The following CADPS2 variants were observed in gnomAD, a reference collection of about 807,000 sequenced individuals.
CADPS2 encodes calcium dependent secretion activator 2.
Under a neutral mutation model 172.5 loss-of-function variants are expected in CADPS2, and 93 were observed. That is an observed-to-expected ratio of 0.54 (90% CI 0.46 to 0.64). The LOEUF is 0.64. CADPS2 is among the 30% of genes least tolerant of loss of function. CADPS2 has a pLI of 0.00. For synonymous variants in CADPS2, 546 were observed against 555.2 expected (o/e 0.98, Z 0.23); for missense variants, 1,420 against 1,565.9 (o/e 0.91, Z 1.57).
chr7:122,360,341 G>GTTAAAATAAGTAACTACTGAT (rs2151127721), intron 27 of CADPS2, among the ~76,000 whole-genome samples: 1 of 152,222 alleles, frequency 6.6e-6, no homozygotes, highest in East Asian at 1.9e-4. Context: ...AACAACAAAT[G>GTTAAAATAAGTAACTACTGAT]TTAAAATAAG....
chr7:122,719,489 G>C (rs1490066923), intron 2 of CADPS2, among the ~76,000 whole-genome samples: 2 of 151,584 alleles, frequency 1.3e-5, no homozygotes, highest in Non-Finnish European at 2.9e-5. Flanking sequence ...AAAAACAAAG[G>C]CATGCTGGGC....
chr7:122,635,611 A>C (rs1208691708), intron 3 of CADPS2, among the ~76,000 whole-genome samples: 1 of 152,172 alleles, frequency 6.6e-6, no homozygotes, highest in African/African-American at 2.4e-5. Flanking sequence ...ACATGAACTC[A>C]TCATTTTTTA....
At chr7:122,672,796 T>C (rs1374512216) in intron 2 of CADPS2, among the ~76,000 whole-genome samples, 3 of 152,334 alleles carry the variant, frequency 2.0e-5, no homozygotes, top group Non-Finnish European at 2.9e-5. Flanking sequence ...AGTGTGGCGT[T>C]TAGTAACCTC....
At chr7:122,787,625 A>G (rs1390025599) in intron 1 of CADPS2, among the ~76,000 whole-genome samples, 1 of 152,148 alleles carries the variant, frequency 6.6e-6, no homozygotes, top group Non-Finnish European at 1.5e-5. Context: ...GAAGATGAAA[A>G]CCACATTGTA....
intron 1 of CADPS2, among the ~76,000 whole-genome samples, chr7:122,811,511 A>G (rs1374250023): frequency 2.0e-5 from 3 of 152,182 alleles, no homozygotes; most frequent in Non-Finnish European, 2.9e-5. Context: ...ATATTATGCC[A>G]TTTATTTTTA....
At chr7:122,661,974 A>G (rs946005857) in intron 3 of CADPS2, among the ~76,000 whole-genome samples, 2 of 152,234 alleles carry the variant, frequency 1.3e-5, no homozygotes, top group Non-Finnish European at 2.9e-5. Context: ...TACCTGGTTT[A>G]ATAAAACAAT....
intron 2 of CADPS2, among the ~76,000 whole-genome samples, chr7:122,697,044 C>T (rs2085220138): frequency 6.6e-6 from 1 of 152,040 alleles, no homozygotes; most frequent in African/African-American, 2.4e-5. Flanking sequence ...TGGGGAGAAA[C>T]ACATGGGAAG....
At chr7:122,786,639 AT>A (rs1242345358) in intron 1 of CADPS2, among the ~76,000 whole-genome samples, 2 of 152,074 alleles carry the variant, frequency 1.3e-5, no homozygotes. Flanking sequence ...TGAGATGTAA[AT>A]TTTTTTACTA....
intron 2 of CADPS2, among the ~76,000 whole-genome samples, chr7:122,684,018 A>G (rs538099712): frequency 2.9e-4 from 44 of 152,298 alleles, no homozygotes; most frequent in African/African-American, 1.0e-3. Flanking sequence ...CTTAACTAAA[A>G]TAAGTGGATA....
chr7:122,500,160 T>C (rs2059079257), intron 9 of CADPS2, among the ~76,000 whole-genome samples: 1 of 152,222 alleles, frequency 6.6e-6, no homozygotes. Flanking sequence ...TATATATTTC[T>C]CAATCTAATA....
intron 6 of CADPS2, among the ~76,000 whole-genome samples, chr7:122,595,572 T>C (rs2071636565): frequency 1.3e-5 from 2 of 152,090 alleles, no homozygotes; most frequent in South Asian, 2.1e-4. Flanking sequence ...GAGTCTTAAT[T>C]CTGTATCAGA....
chr7:122,590,296 C>A (rs951129444), intron 6 of CADPS2, among the ~76,000 whole-genome samples: 2 of 151,838 alleles, frequency 1.3e-5, no homozygotes, highest in Non-Finnish European at 2.9e-5. Flanking sequence ...TGGACTGGAA[C>A]AGAGAGCCCA....
At chr7:122,445,299 T>C (rs555332243) in intron 15 of CADPS2, among the ~76,000 whole-genome samples, 42 of 152,278 alleles carry the variant, frequency 2.8e-4, no homozygotes, top group African/African-American at 8.9e-4. Context: ...TAGAGAGAAT[T>C]GACAACAATA....
In CADPS2 at chr7:122,705,958, A is replaced by ATTATATAATATAATATATAATATAT; in HGVS notation, c.453+30996_453+30997insATATATTATATATTATATTATATAA. 1.5e-3 allele frequency among the ~76,000 whole-genome samples: 32 copies of ATTATATAATATAATATATAATATAT among 20,980 alleles called. 16 individuals are homozygous for ATTATATAATATAATATATAATATAT. Among genetic ancestry groups the ATTATATAATATAATATATAATATAT allele is most frequent in the Admixed American group, 2.0e-3 (2 of 978 alleles). The allele number at this position is 20,980 out of a possible 152,430, so 13.8% of individuals were successfully genotyped here. A position where few individuals can be genotyped will look rare whatever the true frequency, so the allele number is the denominator to read the frequency against. ...TATTATATAATATAATATATAATAT[A>ATTATATAATATAATATATAATATAT]TATATAATATAATATAATATATAAT... is the stretch of plus-strand genomic sequence containing the variant. On this transcript the variant is annotated intron_variant, in intron 2 of 29. Transcript: ENST00000449022.
intron 11 of CADPS2, among the ~76,000 whole-genome samples, chr7:122,489,451 G>T (rs777476837): frequency 2.6e-5 from 4 of 152,132 alleles, no homozygotes; most frequent in Non-Finnish European, 4.4e-5. Context: ...ACTTGGTTTA[G>T]TGATTATCAA....
intron 1 of CADPS2, among the ~76,000 whole-genome samples, chr7:122,856,485 C>T (rs954671623): frequency 1.3e-5 from 2 of 152,114 alleles, no homozygotes; most frequent in African/African-American, 4.8e-5. Flanking sequence ...TAGTTCCCTA[C>T]ACTACTAAAA....
At chr7:122,401,012 A>G (rs2045880940) in intron 20 of CADPS2, among the ~76,000 whole-genome samples, 1 of 152,292 alleles carries the variant, frequency 6.6e-6, no homozygotes, top group South Asian at 2.1e-4. Context: ...GAGTTTTTTG[A>G]TAATGAGAGG....
intron 1 of CADPS2, among the ~76,000 whole-genome samples, chr7:122,874,512 T>C (rs1465514241): frequency 1.3e-5 from 2 of 152,200 alleles, no homozygotes; most frequent in African/African-American, 4.8e-5. Flanking sequence ...TTGACTTTCT[T>C]CACAGAATTA....
chr7:122,849,984 C>A, intron 1 of CADPS2: 1 of 662,460 alleles, frequency 1.5e-6, no homozygotes, highest in Non-Finnish European at 2.4e-6. Flanking sequence ...ATGGGCCCAC[C>A]TGCCCCCAAG....
Sources: gnomAD v4.1 joint callset for allele counts (sites outside exome capture counted in the v4.1 genomes callset) on GRCh38, gnomAD v4.1.1 for gene constraint, MANE v1.5 for transcripts, NCBI Gene and HGNC (gene_info 2026-07-23, HGNC 2026-07-21) for gene names.